IRF2: variants seen among roughly 807,000 people sequenced by gnomAD.
IRF2 encodes the protein interferon regulatory factor 2.
In IRF2, 15 loss-of-function variants were observed where a neutral mutation model predicts 40.6. That is an observed-to-expected ratio of 0.37 (90% CI 0.25 to 0.57). IRF2 has a LOEUF of 0.57. IRF2 is among the 20% of genes least tolerant of loss of function. The pLI, the probability that IRF2 is intolerant of heterozygous loss-of-function variation, is 0.77. For missense variants in IRF2, 317 were observed against 455.7 expected (o/e 0.70, Z 2.77); for synonymous variants, 151 against 165.5 (o/e 0.91, Z 0.67).
intron 7 of IRF2, among the ~76,000 whole-genome samples, chr4:184,396,007 G>A (rs1464320595): frequency 6.6e-6 from 1 of 152,162 alleles, no homozygotes; most frequent in African/African-American, 2.4e-5. Flanking sequence ...GATAAACATA[G>A]AAGTCTATTC....
At chr4:184,431,042 C>G (rs991442897) in intron 1 of IRF2, among the ~76,000 whole-genome samples, 3 of 152,184 alleles carry the variant, frequency 2.0e-5, no homozygotes, top group Admixed American at 2.0e-4. Context: ...ATGTTGCCTT[C>G]CACATAGGAA....
intron 1 of IRF2, among the ~76,000 whole-genome samples, chr4:184,468,642 G>A (rs1394326305): frequency 1.3e-5 from 2 of 152,194 alleles, no homozygotes; most frequent in African/African-American, 4.8e-5. Context: ...TTTCATCTGA[G>A]CCAAGGAAAA....
rs181255260 is a variant in IRF2 at position 184,460,095 on chromosome 4, G to A, written c.-7+14284C>T. Reference sequence around the variant, plus strand: ...AATAGCCAAATTAATAAGAATCCCAGTATCTACCAACAGATGAATGGACGA... The same window carrying A: ...AATAGCCAAATTAATAAGAATCCCAATATCTACCAACAGATGAATGGACGA... On this transcript the variant is annotated intron_variant, in intron 1 of 8. Transcript: ENST00000393593. 1.5e-3 allele frequency among the ~76,000 whole-genome samples: 223 copies of A among 152,274 alleles called. 2 individuals are homozygous for A. Among genetic ancestry groups the A allele is most frequent in the African/African-American group, 5.0e-3 (207 of 41,540 alleles).
At chr4:184,391,386 T>C (rs528212454) in intron 7 of IRF2, among the ~76,000 whole-genome samples, 4 of 152,286 alleles carry the variant, frequency 2.6e-5, no homozygotes, top group Admixed American at 2.6e-4. Flanking sequence ...TGATCCTGTG[T>C]CCATGATCAT....
intron 2 of IRF2, among the ~76,000 whole-genome samples, 172 bp from the exon 3 acceptor site, chr4:184,419,740 C>T (rs910307368): frequency 2.0e-5 from 3 of 152,184 alleles, no homozygotes; most frequent in East Asian, 1.9e-4. Flanking sequence ...CCCGCTGGAT[C>T]CCAAATCTTG....
intron 1 of IRF2, among the ~76,000 whole-genome samples, chr4:184,454,851 G>A (rs757898254): frequency 1.3e-5 from 2 of 152,122 alleles, no homozygotes; most frequent in Non-Finnish European, 2.9e-5. Context: ...AACAGATAAA[G>A]GCTAGTTTAT....
At chr4:184,472,997 C>T (rs1271921982) in intron 1 of IRF2, among the ~76,000 whole-genome samples, 5 of 152,152 alleles carry the variant, frequency 3.3e-5, no homozygotes, top group Non-Finnish European at 7.4e-5. Flanking sequence ...GAGTTACACC[C>T]GCGACCCTTG....
At chr4:184,429,199 G>T (rs1260186194) in intron 1 of IRF2, 129 bp from the exon 2 acceptor site, 7 of 650,592 alleles carry the variant, frequency 1.1e-5, no homozygotes, top group South Asian at 1.7e-5. Context: ...GGGGCTGGGG[G>T]GTCGGTGTAC....
chr4:184,455,058 A>G (rs1738862968), intron 1 of IRF2, among the ~76,000 whole-genome samples: 1 of 151,996 alleles, frequency 6.6e-6, no homozygotes, highest in Non-Finnish European at 1.5e-5. Context: ...GGCCAGATTA[A>G]TCTCCCCAAA....
chr4:184,399,024 A>C lies in IRF2; in HGVS notation c.585T>G (p.Asn195Lys). Residue 195 changes from asparagine (N) to lysine (K), a missense_variant, in exon 7 of 9, where the codon AAT becomes AAG. This residue lies in a region of IRF2 where 262 missense variants were observed against 334.0 expected (regional missense o/e 0.78). Transcript: ENST00000393593. ...CTACAACTTGGCAAATGTCTGGCGG[A>C]TTGGTGACAATCTCTTGATTCTCAA... Reference protein sequence around the residue: ...SNIENQEIVTNPPDICQVVEV... With the variant: ...SNIENQEIVTKPPDICQVVEV... 6.2e-7 allele frequency: 1 copy of C among 1,613,176 alleles called. No individual in the cohort carries two copies. The highest frequency in any genetic ancestry group is 8.5e-7 in the Non-Finnish European group (1 of 1,179,656).
At chr4:184,464,644 G>C (rs1330830194) in intron 1 of IRF2, among the ~76,000 whole-genome samples, 1 of 152,098 alleles carries the variant, frequency 6.6e-6, no homozygotes, top group Admixed American at 6.5e-5. Context: ...ATCTCCTCAA[G>C]AGGACCAAAT....
intron 1 of IRF2, among the ~76,000 whole-genome samples, chr4:184,459,038 C>G (rs180723658): frequency 6.6e-6 from 1 of 152,038 alleles, no homozygotes; most frequent in African/African-American, 2.4e-5. Context: ...TCTTAAGTCC[C>G]CAAATGTTAC....
intron 5 of IRF2, among the ~76,000 whole-genome samples, chr4:184,415,041 G>C (rs1035854155): frequency 6.6e-6 from 1 of 152,070 alleles, no homozygotes; most frequent in African/African-American, 2.4e-5. Context: ...AATTCCAGAC[G>C]CCCTAGGGAG....
intron 7 of IRF2, 66 bp downstream of exon 7, chr4:184,398,849 T>C: frequency 1.4e-6 from 2 of 1,439,934 alleles, no homozygotes; most frequent in Non-Finnish European, 1.9e-6. Flanking sequence ...GTGAGATGGG[T>C]GACCCTAGAC....
At chr4:184,419,829 T>G (rs1390829546) in intron 2 of IRF2, among the ~76,000 whole-genome samples, 1 of 152,236 alleles carries the variant, frequency 6.6e-6, no homozygotes, top group Non-Finnish European at 1.5e-5. Context: ...GGTGATGATT[T>G]GACCTTGTGT....
At chr4:184,402,102 G>C (rs1033386744) in intron 6 of IRF2, among the ~76,000 whole-genome samples, 2 of 152,192 alleles carry the variant, frequency 1.3e-5, no homozygotes, top group African/African-American at 4.8e-5. Flanking sequence ...TCAAGGATCC[G>C]GTTTGTAAGA....
intron 1 of IRF2, among the ~76,000 whole-genome samples, chr4:184,430,363 A>AGCCTTTTC (rs1378642835): frequency 3.3e-5 from 5 of 150,912 alleles, no homozygotes; most frequent in Non-Finnish European, 4.4e-5. Flanking sequence ...AGTCTGGCCC[A>AGCCTTTTC]CTGACTGCTG....
chr4:184,470,484 A>G (rs1407609250), intron 1 of IRF2, among the ~76,000 whole-genome samples: 1 of 152,020 alleles, frequency 6.6e-6, no homozygotes, highest in Non-Finnish European at 1.5e-5. Context: ...AGTTCGAGAC[A>G]AGCCTGGCCA....
chr4:184,430,783 C>T (rs370006658), intron 1 of IRF2, among the ~76,000 whole-genome samples: 1 of 152,270 alleles, frequency 6.6e-6, no homozygotes, highest in South Asian at 2.1e-4. Context: ...GCAGCCTCAA[C>T]CTCCTGGGCT....
Sources: allele counts gnomAD v4.1 joint callset (sites outside exome capture counted in the v4.1 genomes callset), GRCh38; gene constraint gnomAD v4.1.1; regional missense constraint gnomAD v4.1.1; transcripts MANE v1.5; gene names NCBI Gene and HGNC (gene_info 2026-07-23, HGNC 2026-07-21).